Variants in CABCOCO1 observed in about 807,000 individuals in gnomAD.
The protein encoded by CABCOCO1 is ciliary associated calcium binding coiled-coil 1.
A neutral mutation model predicts 35.7 loss-of-function variants in CABCOCO1; 28 were observed. That is an observed-to-expected ratio of 0.78 (90% confidence interval 0.58 to 1.07). The LOEUF is 1.07. Ranked by LOEUF, CABCOCO1 falls within the 50% of genes least tolerant of loss-of-function variation. CABCOCO1 has a pLI of 0.00. For missense variants in CABCOCO1, 326 were observed against 309.2 expected, an observed-to-expected ratio of 1.05 and a Z score of -0.41; for synonymous variants, 95 against 100.1, an observed-to-expected ratio of 0.95 and a Z score of 0.30.
At chr10:61,715,481 G>A (rs1840840662) in intron 5 of CABCOCO1, among the ~76,000 whole-genome samples, 1 of 152,102 alleles carries the variant, frequency 6.6e-6, no homozygotes, top group Non-Finnish European at 1.5e-5. Flanking sequence ...GCCAGTCTGT[G>A]TCCTTTAATT....
chr10:61,755,347 A>C (rs938670278), intron 5 of CABCOCO1, among the ~76,000 whole-genome samples: 1 of 152,144 alleles, frequency 6.6e-6, no homozygotes. Flanking sequence ...CTTGCAAATG[A>C]GTAATGCCTT....
At chr10:61,739,957 A>G (rs1320991996) in intron 5 of CABCOCO1, among the ~76,000 whole-genome samples, 2 of 152,216 alleles carry the variant, frequency 1.3e-5, no homozygotes, top group African/African-American at 4.8e-5. Flanking sequence ...AAAAATTATA[A>G]AGGAAATTTA....
intron 5 of CABCOCO1, among the ~76,000 whole-genome samples, chr10:61,755,034 A>G (rs1377366897): frequency 2.0e-5 from 3 of 152,150 alleles, no homozygotes; most frequent in Non-Finnish European, 4.4e-5. Context: ...GCAAAGGAGG[A>G]GGAGGACTCT....
intron 5 of CABCOCO1, among the ~76,000 whole-genome samples, chr10:61,691,433 T>C (rs1840136648): frequency 6.6e-6 from 1 of 152,184 alleles, no homozygotes; most frequent in South Asian, 2.1e-4. Context: ...TATAATCACA[T>C]ATTTGTAATT....
chr10:61,712,730 C>T (rs949555576), intron 5 of CABCOCO1, among the ~76,000 whole-genome samples: 24 of 152,144 alleles, frequency 1.6e-4, no homozygotes, highest in Non-Finnish European at 3.2e-4. Flanking sequence ...TATGGCTAGC[C>T]AGTTTTCCCA....
Position 61,700,315 on chromosome 10 carries a change from C to G in CABCOCO1, c.552+9694C>G, listed in dbSNP as rs150873397. Among the ~76,000 whole-genome samples, 696 of 151,892 alleles carry G rather than the reference C, an allele frequency of 4.6e-3. 7 individuals carry two copies. Among genetic ancestry groups the G allele is most frequent in the African/African-American group, 0.015 (642 of 41,466 alleles). ...TTTCCAGTATAAATGACAGAAAAGGCATAATAGTCTTAATATTCTATATAA... is the reference window on the plus strand; with the variant it reads ...TTTCCAGTATAAATGACAGAAAAGGGATAATAGTCTTAATATTCTATATAA... On this transcript the variant is annotated intron_variant, in intron 5 of 7. Coordinates refer to ENST00000648843, the MANE Select transcript of CABCOCO1 (RefSeq NM_001366906.2).
intron 5 of CABCOCO1, among the ~76,000 whole-genome samples, chr10:61,735,344 T>G (rs1057017963): frequency 2.6e-5 from 4 of 152,110 alleles, no homozygotes; most frequent in African/African-American, 9.7e-5. Context: ...TTTCTATCAA[T>G]AAAATCAGAT....
At position 61,666,980 on chromosome 10, in the gene CABCOCO1, A is replaced by T. The variant is rs1406825816; in HGVS notation, c.60+3948A>T. Among the ~76,000 whole-genome samples, 4 of 142,386 alleles carry T rather than the reference A, an allele frequency of 2.8e-5. No individual in the cohort carries two copies. In the East Asian group the frequency reaches 7.8e-4, roughly 28 times the overall value. The allele number at this position is 142,386 out of a possible 152,430, so 93.4% of individuals were successfully genotyped here. A position where few individuals can be genotyped will look rare whatever the true frequency, so the allele number is the denominator to read the frequency against. Reference sequence around the variant, plus strand: ...TAAATATAATTATATATTATATATAAATATAATTATATATTATATATAAAT... The same window carrying T: ...TAAATATAATTATATATTATATATATATATAATTATATATTATATATAAAT... On this transcript the variant is annotated intron_variant, in intron 1 of 7. Coordinates refer to ENST00000648843, the MANE Select transcript of CABCOCO1 (RefSeq NM_001366906.2).
intron 5 of CABCOCO1, among the ~76,000 whole-genome samples, chr10:61,736,044 A>G (rs1198598461): frequency 6.6e-6 from 1 of 152,156 alleles, no homozygotes; most frequent in African/African-American, 2.4e-5. Flanking sequence ...AGTTCCTTAT[A>G]GATGCTGAAT....
chr10:61,721,844 C>A (rs1276372850), intron 5 of CABCOCO1, among the ~76,000 whole-genome samples: 2 of 152,158 alleles, frequency 1.3e-5, no homozygotes, highest in African/African-American at 4.8e-5. Context: ...TAGGAATCAA[C>A]ACCTGTGAAG....
chr10:61,763,619 G>T (rs1329612139), intron 7 of CABCOCO1, among the ~76,000 whole-genome samples: 3 of 151,938 alleles, frequency 2.0e-5, no homozygotes, highest in Non-Finnish European at 4.4e-5. Context: ...TTGGCTGTTG[G>T]CCCTGTGGAA....
chr10:61,725,912 A>AG (rs1347128848), intron 5 of CABCOCO1, among the ~76,000 whole-genome samples: 13 of 152,148 alleles, frequency 8.5e-5, no homozygotes, highest in Admixed American at 8.5e-4. Context: ...AGAAAAAAAA[A>AG]GAAAGAAAAA....
chr10:61,669,471 C>T (rs971482525), intron 1 of CABCOCO1, among the ~76,000 whole-genome samples: 10 of 151,794 alleles, frequency 6.6e-5, no homozygotes, highest in Non-Finnish European at 1.0e-4. Context: ...TATGAATTTT[C>T]TATTATATCT....
At chr10:61,708,730 A>G (rs966442501) in intron 5 of CABCOCO1, among the ~76,000 whole-genome samples, 2 of 152,166 alleles carry the variant, frequency 1.3e-5, no homozygotes, top group Non-Finnish European at 2.9e-5. Context: ...AAGTTTCAAC[A>G]TATCAATGTT....
chr10:61,667,333 G>A (rs1265235204), intron 1 of CABCOCO1, among the ~76,000 whole-genome samples: 3 of 150,606 alleles, frequency 2.0e-5, no homozygotes, highest in Non-Finnish European at 3.0e-5. Context: ...GTCCATTACT[G>A]TGTCAATATC....
Position 61,757,869 on chromosome 10 carries a change from G to A in CABCOCO1, c.553-2190G>A, listed in dbSNP as rs114309667. ...ACATTTAAGTGTATAATGTGATGGG[G>A]AAATGGGTACAAGTAGAAAAGGGCC... On this transcript the variant is annotated intron_variant, in intron 5 of 7. Transcript: ENST00000648843. 4.2e-3 allele frequency among the ~76,000 whole-genome samples: 632 copies of A among 152,112 alleles called. 4 individuals carry two copies. The highest frequency in any genetic ancestry group is 0.015 in the African/African-American group (615 of 41,520).
chr10:61,726,950 C>A (rs1319824220), intron 5 of CABCOCO1, among the ~76,000 whole-genome samples: 5 of 151,666 alleles, frequency 3.3e-5, no homozygotes, highest in African/African-American at 1.2e-4. Context: ...GTAATTCCAG[C>A]TCTAGGGAGA....
At chr10:61,700,771 A>C (rs947596139) in intron 5 of CABCOCO1, among the ~76,000 whole-genome samples, 1 of 152,078 alleles carries the variant, frequency 6.6e-6, no homozygotes, top group Non-Finnish European at 1.5e-5. Flanking sequence ...TAAAATTCTT[A>C]TGGTGCCTCT....
intron 1 of CABCOCO1, among the ~76,000 whole-genome samples, chr10:61,671,311 T>C (rs1378896908): frequency 6.7e-6 from 1 of 149,548 alleles, no homozygotes; most frequent in Non-Finnish European, 1.5e-5. Context: ...GGTGACAGAG[T>C]GAGGCTCCGT....
Sources: allele counts gnomAD v4.1 joint callset (sites outside exome capture counted in the v4.1 genomes callset), GRCh38; gene constraint gnomAD v4.1.1; transcripts MANE v1.5; gene names NCBI Gene and HGNC (gene_info 2026-07-23, HGNC 2026-07-21).